Variants in STAU2 observed in about 807,000 individuals in gnomAD.
The protein encoded by STAU2 is double-stranded RNA-binding protein Staufen homolog 2.
A neutral mutation model predicts 65.9 loss-of-function variants in STAU2; 20 were observed. The ratio of observed to expected loss-of-function variants is 0.30; its 90% CI spans 0.21 to 0.44. The LOEUF is 0.44. Among genes scored for constraint, STAU2 ranks in the 20% least tolerant of loss-of-function variants. The probability of loss-of-function intolerance (pLI) is 1.00; values close to 1 mark genes in which losing one functional copy is unlikely to be tolerated. For missense variants in STAU2, 558 were observed against 683.9 expected, an observed-to-expected ratio of 0.82 and a Z score of 2.05; for synonymous variants, 232 against 233.9, an observed-to-expected ratio of 0.99 and a Z score of 0.07.
intron 6 of STAU2, among the ~76,000 whole-genome samples, chr8:73,632,885 C>T (rs1479985333): frequency 1.3e-5 from 2 of 152,144 alleles, no homozygotes; most frequent in African/African-American, 2.4e-5. Flanking sequence ...GGCCAGACTC[C>T]CCTGCAAATG....
At chr8:73,696,775 G>C (rs1819716314) in intron 4 of STAU2, among the ~76,000 whole-genome samples, 1 of 152,088 alleles carries the variant, frequency 6.6e-6, no homozygotes, top group Non-Finnish European at 1.5e-5. Flanking sequence ...AAGACTTACT[G>C]GCCTTAAAGA....
chr8:73,505,086 T>C (rs925224401), intron 13 of STAU2, among the ~76,000 whole-genome samples: 1 of 152,110 alleles, frequency 6.6e-6, no homozygotes, highest in African/African-American at 2.4e-5. Context: ...TCTTCAGTTA[T>C]CCACCAAATC....
At chr8:73,574,011 A>G (rs573388218) in intron 12 of STAU2, among the ~76,000 whole-genome samples, 6 of 152,352 alleles carry the variant, frequency 3.9e-5, no homozygotes, top group African/African-American at 1.4e-4. Flanking sequence ...CCCATCTGAC[A>G]AAGGGCTGAT....
At chr8:73,454,255 T>C (rs1362799731) in intron 13 of STAU2, among the ~76,000 whole-genome samples, 1 of 152,220 alleles carries the variant, frequency 6.6e-6, no homozygotes, top group Admixed American at 6.5e-5. Context: ...TTGCTACACA[T>C]GCCAAAATAT....
At chr8:73,583,363 C>T (rs1205190905) in intron 11 of STAU2, among the ~76,000 whole-genome samples, 1 of 152,042 alleles carries the variant, frequency 6.6e-6, no homozygotes, top group Non-Finnish European at 1.5e-5. Flanking sequence ...CCAGGCTGGT[C>T]TCAAACTACT....
At chr8:73,422,738 G>A in intron 13 of STAU2, 36 bp from the exon 14 acceptor site, 1 of 1,355,322 alleles carries the variant, frequency 7.4e-7, no homozygotes, top group Non-Finnish European at 9.7e-7. Flanking sequence ...GCCATTCACT[G>A]ACTCTAGTGT....
chr8:73,491,488 T>C (rs576346469), intron 13 of STAU2, among the ~76,000 whole-genome samples: 1 of 151,950 alleles, frequency 6.6e-6, no homozygotes, highest in Admixed American at 6.6e-5. Context: ...CACAAAAAAA[T>C]CATCCTAGAC....
At chr8:73,576,198 AATAAT>A (rs1272268334) in intron 12 of STAU2, among the ~76,000 whole-genome samples, 1 of 152,010 alleles carries the variant, frequency 6.6e-6, no homozygotes, top group Non-Finnish European at 1.5e-5. Flanking sequence ...AAATGTTCAT[AATAAT>A]ATTGTTTATA....
chr8:73,545,651 T>A (rs74607015), intron 13 of STAU2, among the ~76,000 whole-genome samples: 2 of 149,178 alleles, frequency 1.3e-5, no homozygotes, highest in East Asian at 2.0e-4. Flanking sequence ...TTTTTTTTTT[T>A]AATATATATT....
chr8:73,527,690 C>A, intron 13 of STAU2: 2 of 1,536,202 alleles, frequency 1.3e-6, no homozygotes, highest in Non-Finnish European at 1.7e-6. Context: ...GCATATTATA[C>A]CTGATCATGG....
chr8:73,508,451 T>C (rs1317083886), intron 13 of STAU2, among the ~76,000 whole-genome samples: 1 of 152,190 alleles, frequency 6.6e-6, no homozygotes, highest in South Asian at 2.1e-4. Context: ...TATATGGGCA[T>C]GATTTGTGGC....
At chr8:73,650,355 A>AAATT (rs1815768737) in intron 6 of STAU2, among the ~76,000 whole-genome samples, 1 of 152,178 alleles carries the variant, frequency 6.6e-6, no homozygotes, top group Non-Finnish European at 1.5e-5. Context: ...ACAAAATAGA[A>AAATT]AATATTAGAG....
In STAU2 at chr8:73,594,999, A is replaced by G. The variant is rs1811080534; in HGVS notation, c.1161+167T>C. On this transcript the variant is annotated intron_variant, in intron 11 of 14. Transcript: ENST00000524300. ...ATCATAAGATTATAAATACTCATTA[A>G]TATCTCATCTTACTCCATATGTTAT... Among the ~76,000 whole-genome samples the G allele has an allele frequency of 1.3e-5, 2 of 152,206 alleles. 1 individual carries two copies. The highest frequency in any genetic ancestry group is 4.1e-4 in the South Asian group (2 of 4,832).
intron 13 of STAU2, among the ~76,000 whole-genome samples, chr8:73,526,133 C>T (rs910425511): frequency 1.3e-5 from 2 of 152,128 alleles, no homozygotes; most frequent in African/African-American, 2.4e-5. Flanking sequence ...CTCATTCAAC[C>T]TGGATCAGGA....
chr8:73,645,468 T>C (rs942836804), intron 6 of STAU2, among the ~76,000 whole-genome samples: 2 of 150,838 alleles, frequency 1.3e-5, no homozygotes, highest in African/African-American at 4.8e-5. Context: ...TTACTAAAAA[T>C]CTACACCTAA....
Position 73,566,524 on chromosome 8 carries a change from G to A in STAU2, c.1223-14205C>T, listed in dbSNP as rs372880764. Among the ~76,000 whole-genome samples the A allele has an allele frequency of 1.2e-4, 18 of 152,208 alleles. No homozygotes were observed. In the East Asian group the frequency reaches 2.9e-3, roughly 25 times the overall value. ...ATAAAACATTCTTTCAAAAAAATGC[G>A]TACTTAATTTTAATGGAATTTCTTA... On this transcript the variant is annotated intron_variant, in intron 12 of 14. Coordinates refer to ENST00000524300, the MANE Select transcript of STAU2 (RefSeq NM_001164380.2).
In STAU2 at chr8:73,634,849, T is replaced by C. The variant is rs1814374673; in HGVS notation, c.411-17398A>G. ...ACCTCTCAGCAAGACCTAATTCAAA[T>C]TGTGATTCCCATCCTTTTACTCAAA... On this transcript the variant is annotated intron_variant, in intron 6 of 14. Transcript: ENST00000524300. Among the ~76,000 whole-genome samples, 3 of 152,230 alleles carry C rather than the reference T, an allele frequency of 2.0e-5. No individual in the cohort carries two copies. The South Asian group carries it at 6.2e-4, about 32-fold the overall frequency.
intron 3 of STAU2, among the ~76,000 whole-genome samples, chr8:73,716,783 T>C (rs1821281112): frequency 6.6e-6 from 1 of 152,116 alleles, no homozygotes; most frequent in African/African-American, 2.4e-5. Flanking sequence ...TACATACAAG[T>C]TACTGATTAG....
intron 5 of STAU2, among the ~76,000 whole-genome samples, chr8:73,684,778 A>G (rs1296689141): frequency 2.0e-5 from 3 of 152,192 alleles, no homozygotes; most frequent in African/African-American, 7.2e-5. Context: ...AATGCCATCA[A>G]AAAGTCAGCT....
Sources: allele counts gnomAD v4.1 joint callset (sites outside exome capture counted in the v4.1 genomes callset), GRCh38; gene constraint gnomAD v4.1.1; transcripts MANE v1.5; gene names NCBI Gene and HGNC (gene_info 2026-07-23, HGNC 2026-07-21).